The following KCNIP4 variants were observed in gnomAD, a reference collection of about 807,000 sequenced individuals.
KCNIP4 encodes the protein potassium voltage-gated channel interacting protein 4, also known as Kv channel-interacting protein 4.
Under a neutral mutation model 34.0 loss-of-function variants are expected in KCNIP4, and 12 were observed. The ratio of observed to expected loss-of-function variants is 0.35; its 90% CI spans 0.23 to 0.57. KCNIP4 has a LOEUF of 0.57. Ranked by LOEUF, KCNIP4 falls within the 20% of genes least tolerant of loss-of-function variation. The pLI is 0.83. For missense variants in KCNIP4, 238 were observed against 311.7 expected (o/e 0.76, Z 1.78); for synonymous variants, 124 against 102.2 (o/e 1.21, Z -1.29).
chr4:21,083,028 T>A (rs1485653952), intron 1 of KCNIP4, among the ~76,000 whole-genome samples: 1 of 151,802 alleles, frequency 6.6e-6, no homozygotes, highest in African/African-American at 2.4e-5. Flanking sequence ...AGTCAGTAAG[T>A]TGTTTAAGTG....
intron 1 of KCNIP4, among the ~76,000 whole-genome samples, chr4:21,122,820 T>C (rs980150866): frequency 6.6e-5 from 10 of 152,126 alleles, no homozygotes; most frequent in African/African-American, 2.4e-4. Context: ...CTTGCTCCAG[T>C]TCTAGTTTCT....
At chr4:21,287,545 T>C (rs1050329570) in intron 1 of KCNIP4, among the ~76,000 whole-genome samples, 19 of 152,174 alleles carry the variant, frequency 1.2e-4, no homozygotes, top group African/African-American at 4.3e-4. Context: ...TATGTAATTA[T>C]CTCCATGTGT....
chr4:21,475,667 T>C (rs1419662590), intron 1 of KCNIP4, among the ~76,000 whole-genome samples: 1 of 152,136 alleles, frequency 6.6e-6, no homozygotes, highest in Non-Finnish European at 1.5e-5. Flanking sequence ...AAAACTATAC[T>C]CTGGAACAGT....
intron 2 of KCNIP4, among the ~76,000 whole-genome samples, chr4:20,850,973 G>A (rs188922228): frequency 8.3e-4 from 127 of 152,180 alleles, no homozygotes; most frequent in Non-Finnish European, 1.1e-3. Context: ...ATATGATTAC[G>A]TCAAACAAAA....
At chr4:21,872,235 A>G (rs2109367969) in intron 1 of KCNIP4, among the ~76,000 whole-genome samples, 1 of 152,192 alleles carries the variant, frequency 6.6e-6, no homozygotes, top group African/African-American at 2.4e-5. Flanking sequence ...CAGGAACAAA[A>G]TTCCCTCCAA....
intron 1 of KCNIP4, among the ~76,000 whole-genome samples, chr4:21,669,563 G>C (rs982162453): frequency 6.6e-6 from 1 of 152,118 alleles, no homozygotes; most frequent in African/African-American, 2.4e-5. Flanking sequence ...GGAGTCAAAA[G>C]TTTTATGTGG....
chr4:20,931,654 T>A (rs1001257589), intron 1 of KCNIP4, among the ~76,000 whole-genome samples: 3 of 152,136 alleles, frequency 2.0e-5, no homozygotes, highest in African/African-American at 7.2e-5. Flanking sequence ...ATATATGTAG[T>A]TTATCATTGA....
rs532260312 is a variant in KCNIP4 at position 21,593,269 on chromosome 4, A to G, written c.61+355302T>C. On this transcript the variant is annotated intron_variant, in intron 1 of 8. Coordinates refer to ENST00000382152, the MANE Select transcript of KCNIP4 (RefSeq NM_025221.6). The stretch of plus-strand genomic sequence containing the variant: ...AATAAAATTCTTAACTTATGCTGCC[A>G]CTTCTGGGCTGAATGCCCATTGCTG... Among the ~76,000 whole-genome samples the G allele has an allele frequency of 3.9e-5, 6 of 152,194 alleles. No homozygotes were observed. In the East Asian group the frequency reaches 1.2e-3, roughly 29 times the overall value.
At chr4:20,962,394 C>G (rs932873083) in intron 1 of KCNIP4, among the ~76,000 whole-genome samples, 2 of 152,236 alleles carry the variant, frequency 1.3e-5, no homozygotes, top group African/African-American at 4.8e-5. Flanking sequence ...AAGCCTCCCA[C>G]CTGGCTTCCA....
chr4:21,798,365 A>G (rs1347045122), intron 1 of KCNIP4, among the ~76,000 whole-genome samples: 1 of 147,178 alleles, frequency 6.8e-6, no homozygotes, highest in Non-Finnish European at 1.5e-5. Context: ...CGGCCTGGGC[A>G]ACATGGCGGA....
At chr4:21,892,298 T>C (rs1005087619) in intron 1 of KCNIP4, among the ~76,000 whole-genome samples, 1 of 150,256 alleles carries the variant, frequency 6.7e-6, no homozygotes, top group African/African-American at 2.5e-5. Flanking sequence ...GAGTTCATAT[T>C]AGGTGACTCG....
chr4:21,585,120 T>C (rs1317750445), intron 1 of KCNIP4, among the ~76,000 whole-genome samples: 7 of 152,084 alleles, frequency 4.6e-5, no homozygotes, highest in Non-Finnish European at 1.0e-4. Context: ...TTAATAAGTA[T>C]AGAATGTTCA....
intron 1 of KCNIP4, among the ~76,000 whole-genome samples, chr4:21,827,538 A>G (rs1320489298): frequency 6.6e-6 from 1 of 152,020 alleles, no homozygotes; most frequent in East Asian, 1.9e-4. Flanking sequence ...ATAGATAATC[A>G]AGCATCAAAG....
intron 1 of KCNIP4, among the ~76,000 whole-genome samples, chr4:20,996,705 A>C (rs561470275): frequency 3.0e-3 from 453 of 152,158 alleles, no homozygotes; most frequent in Non-Finnish European, 4.9e-3. Context: ...GTTCCTCTTG[A>C]TCAAATTGCT....
rs1157849951 is a variant in KCNIP4 at position 21,293,602 on chromosome 4, C to A, written c.62-410893G>T. On this transcript the variant is annotated intron_variant, in intron 1 of 8. Transcript: ENST00000382152. ...CCCCTAATGGGAACTTTATATCTACCCTCTGTCTTATAGGATTGGATCTTG... is the reference window on the plus strand; with the variant it reads ...CCCCTAATGGGAACTTTATATCTACACTCTGTCTTATAGGATTGGATCTTG... Among the ~76,000 whole-genome samples the A allele has an allele frequency of 2.6e-5, 4 of 152,114 alleles. No individual in the cohort carries two copies. In the East Asian group the frequency reaches 7.7e-4, roughly 29 times the overall value.
At chr4:20,793,138 T>G (rs1488537823) in intron 3 of KCNIP4, among the ~76,000 whole-genome samples, 1 of 152,168 alleles carries the variant, frequency 6.6e-6, no homozygotes, top group African/African-American at 2.4e-5. Context: ...AGCAGCATTA[T>G]TTGTAACATC....
chr4:21,554,738 C>T (rs903013453), intron 1 of KCNIP4, among the ~76,000 whole-genome samples: 3 of 152,062 alleles, frequency 2.0e-5, no homozygotes, highest in Non-Finnish European at 2.9e-5. Context: ...TGCTCCAAGG[C>T]GCTTATTGCC....
At chr4:20,921,372 A>G (rs1292926653) in intron 1 of KCNIP4, among the ~76,000 whole-genome samples, 2 of 152,192 alleles carry the variant, frequency 1.3e-5, no homozygotes, top group African/African-American at 4.8e-5. Context: ...AACTGTTAAT[A>G]TGTGTTTAAA....
rs951796858 is a variant in KCNIP4 at position 21,368,253 on chromosome 4, C to T, written c.62-485544G>A. On this transcript the variant is annotated intron_variant, in intron 1 of 8. Coordinates refer to ENST00000382152, the MANE Select transcript of KCNIP4 (RefSeq NM_025221.6). ...AGAAGCTGTTACACACACACACACA[C>T]ACACAATAAATATGACGTTAGTTTG... Among the ~76,000 whole-genome samples, 10 of 146,946 alleles carry T rather than the reference C, an allele frequency of 6.8e-5. 3 individuals are homozygous for T. The highest frequency in any genetic ancestry group is 2.7e-4 in the African/African-American group (10 of 36,712).
Sources: gnomAD v4.1 joint callset for allele counts (sites outside exome capture counted in the v4.1 genomes callset) on GRCh38, gnomAD v4.1.1 for gene constraint, MANE v1.5 for transcripts, NCBI Gene and HGNC (gene_info 2026-07-23, HGNC 2026-07-21) for gene names.